ALDH1A1: variants seen among roughly 807,000 people sequenced by gnomAD.
ALDH1A1 encodes the protein aldehyde dehydrogenase 1A1.
In ALDH1A1, 19 loss-of-function variants were observed where a neutral mutation model predicts 62.1. The observed-to-expected ratio is 0.31, with a 90% CI of 0.21 to 0.45. The LOEUF is 0.45. Ranked by LOEUF, ALDH1A1 falls within the 20% of genes least tolerant of loss-of-function variation. ALDH1A1 has a pLI of 1.00. For missense variants in ALDH1A1, 521 were observed against 607.1 expected, an observed-to-expected ratio of 0.86 and a Z score of 1.49; for synonymous variants, 231 against 215.9, an observed-to-expected ratio of 1.07 and a Z score of -0.61.
At chr9:72,923,449 C>T (rs924586579) in intron 7 of ALDH1A1, among the ~76,000 whole-genome samples, 7 of 152,118 alleles carry the variant, frequency 4.6e-5, no homozygotes, top group Non-Finnish European at 1.0e-4. Context: ...TCCCAAACTT[C>T]ACCTTCTAGT....
chr9:72,920,589 G>C (rs965564209), intron 7 of ALDH1A1, among the ~76,000 whole-genome samples: 1 of 152,160 alleles, frequency 6.6e-6, no homozygotes, highest in Non-Finnish European at 1.5e-5. Flanking sequence ...AGCTACAAAC[G>C]TCAAAAGAAC....
intron 1 of ALDH1A1, among the ~76,000 whole-genome samples, chr9:72,947,634 T>G (rs1830490854): frequency 6.6e-6 from 1 of 151,992 alleles, no homozygotes; most frequent in Admixed American, 6.6e-5. Context: ...TTAGGTTTTC[T>G]TGAGTGAGAT....
chr9:72,908,587 GAAAGAAAGAAAGAAAGAAAGA>G (rs1564622764), intron 11 of ALDH1A1, among the ~76,000 whole-genome samples: 1 of 136,560 alleles, frequency 7.3e-6, no homozygotes, highest in Non-Finnish European at 1.6e-5. Context: ...AAGAAAGAAA[GAAAGAAAGAAAGAAAGAAAGA>G]AAGAAAGAAA....
At chr9:72,939,934 G>A (rs1830395439) in intron 2 of ALDH1A1, among the ~76,000 whole-genome samples, 1 of 150,446 alleles carries the variant, frequency 6.6e-6, no homozygotes, top group Non-Finnish European at 1.5e-5. Flanking sequence ...AAATCACCAT[G>A]ACACCCAGAA....
At chr9:72,934,387 A>G (rs1830322123) in intron 2 of ALDH1A1, among the ~76,000 whole-genome samples, 1 of 152,168 alleles carries the variant, frequency 6.6e-6, no homozygotes, top group Admixed American at 6.5e-5. Context: ...AATCTTCTGC[A>G]AATAATTTTA....
chr9:72,934,732 G>C (rs570006035), intron 2 of ALDH1A1, among the ~76,000 whole-genome samples: 46 of 152,258 alleles, frequency 3.0e-4, no homozygotes, highest in African/African-American at 1.1e-3. Flanking sequence ...CTAAGCTCCA[G>C]GCACTAAGGA....
intron 9 of ALDH1A1, among the ~76,000 whole-genome samples, chr9:72,916,480 C>A (rs979371839): frequency 6.6e-6 from 1 of 152,044 alleles, no homozygotes; most frequent in Non-Finnish European, 1.5e-5. Flanking sequence ...ATTAGGGGGT[C>A]AGAGTAACCG....
Position 72,921,557 on chromosome 9 carries a change from G to A in ALDH1A1, c.747+2462C>T, listed in dbSNP as rs1478963182. 1.4e-4 allele frequency among the ~76,000 whole-genome samples: 19 copies of A among 138,118 alleles called. No homozygotes were observed. The East Asian group carries it at 4.0e-3, about 29-fold the overall frequency. The allele number at this position is 138,118 out of a possible 152,430, so 90.6% of individuals were successfully genotyped here. The stretch of plus-strand genomic sequence containing the variant: ...TTTTAATTATACTCTAAGTTTTAGG[G>A]TACATGTGCACATTGTGCAGGTTAG... On this transcript the variant is annotated intron_variant, in intron 7 of 12. Coordinates refer to ENST00000297785, the MANE Select transcript of ALDH1A1 (RefSeq NM_000689.5).
chr9:72,932,797 G>T (rs1327599609), intron 2 of ALDH1A1, among the ~76,000 whole-genome samples: 1 of 152,174 alleles, frequency 6.6e-6, no homozygotes, highest in Non-Finnish European at 1.5e-5. Flanking sequence ...GAGATTGTCA[G>T]CATGATCTGT....
chr9:72,932,629 C>A (rs917719054), intron 2 of ALDH1A1, among the ~76,000 whole-genome samples: 1 of 152,128 alleles, frequency 6.6e-6, no homozygotes, highest in Non-Finnish European at 1.5e-5. Context: ...TTATTGCCTG[C>A]CTTTCCTGAG....
chr9:72,904,853 G>A (rs1307942997), intron 12 of ALDH1A1, among the ~76,000 whole-genome samples: 2 of 152,058 alleles, frequency 1.3e-5, no homozygotes, highest in Non-Finnish European at 2.9e-5. Context: ...GTGTATGTAG[G>A]TTATTTTGCA....
At position 72,925,671 on chromosome 9, in the gene ALDH1A1, C is replaced by T. The variant is rs1588137971; in HGVS notation, c.505-59G>A. ...ATTGCAAAAGGCATATTTGCTAATC[C>T]AACTTCCATATTATACACCCCCTGT... is the stretch of plus-strand genomic sequence containing the variant. On this transcript the variant is annotated intron_variant, in intron 5 of 12. Transcript: ENST00000297785. 3.2e-6 allele frequency: 5 copies of T among 1,567,550 alleles called. No homozygotes were observed. The East Asian group carries it at 6.8e-5, about 21-fold the overall frequency.
chr9:72,903,149 T>C (rs1267336647), intron 12 of ALDH1A1, among the ~76,000 whole-genome samples: 1 of 152,014 alleles, frequency 6.6e-6, no homozygotes, highest in African/African-American at 2.4e-5. Flanking sequence ...CCTTGCTCCC[T>C]TTTCTATGGG....
intron 9 of ALDH1A1, among the ~76,000 whole-genome samples, chr9:72,914,675 T>A (rs911379096): frequency 2.0e-5 from 3 of 151,890 alleles, no homozygotes; most frequent in African/African-American, 7.3e-5. Context: ...AATAGGAAAA[T>A]CACTTGAAAT....
At chr9:72,942,703 C>T (rs1029630345) in intron 1 of ALDH1A1, among the ~76,000 whole-genome samples, 8 of 152,074 alleles carry the variant, frequency 5.3e-5, no homozygotes, top group Non-Finnish European at 1.0e-4. Flanking sequence ...TTTGTTCCAG[C>T]CTCATTCTAC....
intron 2 of ALDH1A1, among the ~76,000 whole-genome samples, chr9:72,939,902 T>G (rs960590591): frequency 2.0e-5 from 3 of 150,402 alleles, no homozygotes; most frequent in African/African-American, 7.4e-5. Flanking sequence ...CAATTGAAAA[T>G]AAAGGAAAAT....
intron 1 of ALDH1A1, among the ~76,000 whole-genome samples, chr9:72,946,112 C>G (rs1830470600): frequency 6.6e-6 from 1 of 151,950 alleles, no homozygotes; most frequent in Non-Finnish European, 1.5e-5. Flanking sequence ...AACTTCTGTA[C>G]ATCATATATT....
intron 3 of ALDH1A1, among the ~76,000 whole-genome samples, chr9:72,929,974 T>A (rs1830260525): frequency 6.6e-6 from 1 of 152,240 alleles, no homozygotes; most frequent in Non-Finnish European, 1.5e-5. Flanking sequence ...TCTGAATTTT[T>A]GTGTATTTCA....
In ALDH1A1 at chr9:72,909,939, T is replaced by C. The variant is rs1829961141; in HGVS notation, c.1201-180A>G. 2.0e-5 allele frequency among the ~76,000 whole-genome samples: 3 copies of C among 152,158 alleles called. No individual in the cohort carries two copies. The South Asian group carries it at 6.2e-4, about 31-fold the overall frequency. ...AAAAATGGTAGGTGAAAACAGATAA[T>C]GGTCAGGTGTTAAATTTCCTTTGGA... On this transcript the variant is annotated intron_variant, in intron 10 of 12. Coordinates refer to ENST00000297785, the MANE Select transcript of ALDH1A1 (RefSeq NM_000689.5).
Sources: gnomAD v4.1 joint callset for allele counts (sites outside exome capture counted in the v4.1 genomes callset) on GRCh38, gnomAD v4.1.1 for gene constraint, MANE v1.5 for transcripts, NCBI Gene and HGNC (gene_info 2026-07-23, HGNC 2026-07-21) for gene names.